The following MTUS2 variants were observed in gnomAD, a reference collection of about 807,000 sequenced individuals.
MTUS2 encodes microtubule associated scaffold protein 2, also known as microtubule-associated tumor suppressor candidate 2.
Under a neutral mutation model 114.1 loss-of-function variants are expected in MTUS2, and 40 were observed. The ratio of observed to expected loss-of-function variants is 0.35; its 90% confidence interval spans 0.27 to 0.46. The LOEUF (loss-of-function observed/expected upper bound fraction) is 0.46. Ranked by LOEUF, MTUS2 falls within the 20% of genes least tolerant of loss-of-function variation. The pLI, the probability that MTUS2 is intolerant of heterozygous loss-of-function variation, is 1.00. For synonymous variants in MTUS2, 688 were observed against 672.0 expected, an observed-to-expected ratio of 1.02 and a Z score of -0.37; for missense variants, 1,679 against 1,705.4, an observed-to-expected ratio of 0.98 and a Z score of 0.27.
At chr13:29,072,169 T>C (rs1404290480) in intron 4 of MTUS2, 1 of 152,244 alleles carries the variant, frequency 6.6e-6, no homozygotes, top group Non-Finnish European at 1.5e-5. Context: ...CATATCTAGC[T>C]CAGTAAGTAC....
intron 5 of MTUS2, among the ~76,000 whole-genome samples, chr13:29,187,646 C>G (rs146307363): frequency 6.6e-6 from 1 of 152,196 alleles, no homozygotes; most frequent in Admixed American, 6.5e-5. Context: ...TCCAGAATGA[C>G]TCTTTATTTG....
Position 29,429,004 on chromosome 13 carries a change from T to C in MTUS2, c.3118-10979T>C, listed in dbSNP as rs1383206474. On this transcript the variant is annotated intron_variant, in intron 8 of 15. Transcript: ENST00000612955. ...TGTCCCCCTAGCATGCGTGTGCGCT[T>C]TGTTGGTGAACAGGAGGCTCCCTTT... The C allele has an allele frequency of 3.6e-6, 4 of 1,102,802 alleles. No homozygotes were observed. The African/African-American group carries it at 6.2e-5, about 17-fold the overall frequency. The allele number at this position is 1,102,802 out of a possible 1,614,324, so 68.3% of individuals were successfully genotyped here. A position where few individuals can be genotyped will look rare whatever the true frequency, so the allele number is the denominator to read the frequency against.
rs1884350596 is a variant in MTUS2 at position 28,981,317 on chromosome 13, G to A, written c.-242-43140G>A. ...AAGACAGTCTCAAATGCTACATATT[G>A]TATGATTTTATTCATAAAGATATTC... is the stretch of plus-strand genomic sequence containing the variant. On this transcript the variant is annotated intron_variant, in intron 2 of 15. Transcript: ENST00000612955. 2.0e-5 allele frequency among the ~76,000 whole-genome samples: 3 copies of A among 152,158 alleles called. No individual in the cohort carries two copies. In the South Asian group the frequency reaches 6.2e-4, roughly 32 times the overall value.
intron 2 of MTUS2, among the ~76,000 whole-genome samples, chr13:28,908,604 A>C (rs9551560): frequency 6.6e-6 from 1 of 151,098 alleles, no homozygotes; most frequent in Non-Finnish European, 1.5e-5. Context: ...ATAAACATAC[A>C]TGTGCATGTG....
intron 1 of MTUS2, among the ~76,000 whole-genome samples, chr13:28,832,410 G>T (rs1387180558): frequency 6.6e-6 from 1 of 151,930 alleles, no homozygotes; most frequent in Non-Finnish European, 1.5e-5. Context: ...ACTCCTAGTG[G>T]ATTAAAGAAG....
At chr13:28,930,862 A>G (rs73161869) in intron 2 of MTUS2, among the ~76,000 whole-genome samples, 12,755 of 152,210 alleles carry the variant, frequency 0.084, 599 homozygotes, top group South Asian at 0.13. Flanking sequence ...TTTGTGGGGT[A>G]TTGGGATGGG....
intron 4 of MTUS2, among the ~76,000 whole-genome samples, chr13:29,066,262 G>A (rs1185000915): frequency 1.3e-5 from 2 of 152,070 alleles, no homozygotes; most frequent in East Asian, 3.9e-4. Flanking sequence ...TCTTTATTGT[G>A]ATCTATAATT....
chr13:28,826,978 C>T (rs1874312474), intron 1 of MTUS2, among the ~76,000 whole-genome samples: 1 of 152,200 alleles, frequency 6.6e-6, no homozygotes, highest in African/African-American at 2.4e-5. Context: ...TTGTGCTAAG[C>T]TGTTTGACAT....
intron 8 of MTUS2, among the ~76,000 whole-genome samples, chr13:29,414,857 C>A (rs1875549495): frequency 6.6e-6 from 1 of 151,564 alleles, no homozygotes; most frequent in East Asian, 1.9e-4. Flanking sequence ...TTGTTGTATT[C>A]TAGTTTTTTA....
chr13:29,061,071 G>A (rs754158955), intron 4 of MTUS2, among the ~76,000 whole-genome samples: 17 of 152,116 alleles, frequency 1.1e-4, no homozygotes, highest in Non-Finnish European at 2.2e-4. Context: ...GATTACCGAC[G>A]TGAGCCACTG....
chr13:29,431,069 A>G (rs1398952356), intron 8 of MTUS2, among the ~76,000 whole-genome samples: 2 of 152,250 alleles, frequency 1.3e-5, no homozygotes, highest in African/African-American at 4.8e-5. Flanking sequence ...CAGTTTGATC[A>G]TAGTGCAGCT....
At chr13:29,356,782 T>A (rs965446573) in intron 7 of MTUS2, among the ~76,000 whole-genome samples, 11 of 152,178 alleles carry the variant, frequency 7.2e-5, no homozygotes, top group Non-Finnish European at 1.5e-4. Context: ...ACAACCAACT[T>A]TGTTTCTCAG....
chr13:29,117,270 C>T (rs1302666671), intron 5 of MTUS2, among the ~76,000 whole-genome samples: 1 of 152,166 alleles, frequency 6.6e-6, no homozygotes, highest in Non-Finnish European at 1.5e-5. Flanking sequence ...TTTTGTGTCT[C>T]CCTGCCTTCT....
At chr13:28,925,219 C>G (rs1039761858) in intron 2 of MTUS2, among the ~76,000 whole-genome samples, 3 of 152,192 alleles carry the variant, frequency 2.0e-5, no homozygotes, top group Non-Finnish European at 2.9e-5. Context: ...TCATTTCTAT[C>G]TTGCAGGAGT....
chr13:29,070,733 A>G (rs1195201283), intron 4 of MTUS2, among the ~76,000 whole-genome samples: 1 of 152,010 alleles, frequency 6.6e-6, no homozygotes, highest in Non-Finnish European at 1.5e-5. Flanking sequence ...CTGGGCAATC[A>G]TCTTGTGTTC....
intron 3 of MTUS2, among the ~76,000 whole-genome samples, chr13:29,031,104 G>T (rs368518408): frequency 6.6e-6 from 1 of 152,110 alleles, no homozygotes; most frequent in Non-Finnish European, 1.5e-5. Context: ...TGGCTGAGAG[G>T]ATGGAGTGAG....
At chr13:29,291,890 A>G (rs978545225) in intron 6 of MTUS2, among the ~76,000 whole-genome samples, 4 of 152,342 alleles carry the variant, frequency 2.6e-5, no homozygotes, top group Middle Eastern at 6.8e-3. Context: ...AGTTTCATCC[A>G]ACTCTAACAT....
Position 29,195,082 on chromosome 13 carries a change from C to T in MTUS2, c.2645-86622C>T, listed in dbSNP as rs993522976. On this transcript the variant is annotated intron_variant, in intron 5 of 15. Transcript: ENST00000612955. Reference sequence around the variant, plus strand: ...GACACAGGAAGGGGAACATCACACTCGGGACTGTTGTGGGGTGGGGGGAGG... The same window carrying T: ...GACACAGGAAGGGGAACATCACACTTGGGACTGTTGTGGGGTGGGGGGAGG... Among the ~76,000 whole-genome samples, 21 of 115,588 alleles carry T rather than the reference C, an allele frequency of 1.8e-4. No individual in the cohort carries two copies. The South Asian group carries it at 3.4e-3, about 19-fold the overall frequency. The allele number at this position is 115,588 out of a possible 152,430, so 75.8% of individuals were successfully genotyped here. A position where few individuals can be genotyped will look rare whatever the true frequency, so the allele number is the denominator to read the frequency against.
chr13:29,107,070 C>G (rs947906422), intron 5 of MTUS2, among the ~76,000 whole-genome samples: 1 of 152,094 alleles, frequency 6.6e-6, no homozygotes, highest in African/African-American at 2.4e-5. Context: ...CTATCCCTAC[C>G]CGCACCACCT....
Sources: allele counts gnomAD v4.1 joint callset (sites outside exome capture counted in the v4.1 genomes callset), GRCh38; gene constraint gnomAD v4.1.1; transcripts MANE v1.5; gene names NCBI Gene and HGNC (gene_info 2026-07-23, HGNC 2026-07-21).